Variants in ANKIB1 observed in about 807,000 individuals in gnomAD.
ANKIB1 encodes the protein ankyrin repeat and IBR domain-containing protein 1.
A neutral mutation model predicts 122.1 loss-of-function variants in ANKIB1; 43 were observed. The observed-to-expected ratio is 0.35, with a 90% CI of 0.28 to 0.45. The LOEUF (loss-of-function observed/expected upper bound fraction) is 0.45, where lower values mean the gene tolerates loss of function less well. Ranked by LOEUF, ANKIB1 falls within the 20% of genes least tolerant of loss-of-function variation. The probability of loss-of-function intolerance (pLI) is 1.00; values close to 1 mark genes in which losing one functional copy is unlikely to be tolerated. For missense variants in ANKIB1, 992 were observed against 1,329.5 expected, an observed-to-expected ratio of 0.75 and a Z score of 3.95; for synonymous variants, 390 against 442.0, an observed-to-expected ratio of 0.88 and a Z score of 1.48.
At chr7:92,295,380 A>G (rs1211638192) in intron 2 of ANKIB1, among the ~76,000 whole-genome samples, 5 of 152,132 alleles carry the variant, frequency 3.3e-5, no homozygotes, top group African/African-American at 9.6e-5. Context: ...CTTTATTATG[A>G]TTTAGTCAAA....
At chr7:92,340,663 T>C (rs1458308577) in intron 5 of ANKIB1, among the ~76,000 whole-genome samples, 1 of 152,218 alleles carries the variant, frequency 6.6e-6, no homozygotes, top group East Asian at 1.9e-4. Context: ...TATACTGGAT[T>C]TTTAAATTTT....
chr7:92,344,149 T>G (rs1425625565), intron 6 of ANKIB1, among the ~76,000 whole-genome samples: 2 of 151,824 alleles, frequency 1.3e-5, no homozygotes, highest in Non-Finnish European at 2.9e-5. Context: ...AATGGCATAG[T>G]TTTAATACAT....
Position 92,307,613 on chromosome 7 carries a change from C to G in ANKIB1, c.443C>G (p.Pro148Arg). The G allele has an allele frequency of 6.2e-7, 1 of 1,612,510 alleles. No individual in the cohort carries two copies. The highest frequency in any genetic ancestry group is 8.5e-7 in the Non-Finnish European group (1 of 1,179,540). The change falls in exon 3 of 20, where the codon CCC becomes CGC. Residue 148 changes from proline (P) to arginine (R), a missense_variant. Physicochemically the swap from Pro to Arg is moderately radical, Grantham distance 103 (BLOSUM62 -2). Coordinates refer to ENST00000265742, the MANE Select transcript of ANKIB1 (RefSeq NM_019004.2). ...IDAVDNKKNT[P>R]LHYAAASGMK... ...GCTGTTGATAACAAAAAAAACACACCCTTGCACTATGCTGCTGCCTCAGGG... is the reference window on the plus strand; with the variant it reads ...GCTGTTGATAACAAAAAAAACACACGCTTGCACTATGCTGCTGCCTCAGGG...
intron 10 of ANKIB1, among the ~76,000 whole-genome samples, chr7:92,363,722 T>C (rs934358204): frequency 2.6e-5 from 4 of 152,346 alleles, no homozygotes; most frequent in African/African-American, 9.6e-5. Flanking sequence ...CATGATACTT[T>C]ACAGGCTTGT....
At chr7:92,279,879 CACACACACACAT>C (rs1451555541) in intron 1 of ANKIB1, among the ~76,000 whole-genome samples, 1 of 152,010 alleles carries the variant, frequency 6.6e-6, no homozygotes, top group Non-Finnish European at 1.5e-5. Flanking sequence ...CAAACAAGCA[CACACACACACAT>C]ACACACACAC....
intron 2 of ANKIB1, among the ~76,000 whole-genome samples, chr7:92,296,118 A>C (rs141051459): frequency 2.6e-5 from 4 of 151,902 alleles, no homozygotes; most frequent in African/African-American, 4.8e-5. Flanking sequence ...TTTTTTTGCT[A>C]TCTCCAAAAC....
rs1002862358 is a variant in ANKIB1, at chr7:92,380,520, G to A, written c.1618-5989G>A. Among the ~76,000 whole-genome samples, 24 of 152,174 alleles carry A rather than the reference G, an allele frequency of 1.6e-4. 1 individual carries two copies. The highest frequency in any genetic ancestry group is 2.4e-5 in the African/African-American group (1 of 41,432). ...ACCTCATACAGCCAGGTGCCCCTCTGAGACGAAGATTCCAGAGGAAGGACC... is the reference window on the plus strand; with the variant it reads ...ACCTCATACAGCCAGGTGCCCCTCTAAGACGAAGATTCCAGAGGAAGGACC... On this transcript the variant is annotated intron_variant, in intron 11 of 19. Transcript: ENST00000265742.
intron 1 of ANKIB1, among the ~76,000 whole-genome samples, chr7:92,252,815 C>T (rs1292431870): frequency 6.6e-6 from 1 of 151,776 alleles, no homozygotes; most frequent in Non-Finnish European, 1.5e-5. Flanking sequence ...GTTCCTGGTT[C>T]ATCTTGTGCT....
intron 9 of ANKIB1, among the ~76,000 whole-genome samples, chr7:92,359,863 T>C (rs1022204297): frequency 3.9e-5 from 6 of 152,198 alleles, no homozygotes; most frequent in Non-Finnish European, 7.3e-5. Context: ...GCTCCATTGA[T>C]TCTTCTGCCT....
chr7:92,371,446 T>A (rs1804253093), intron 10 of ANKIB1, 31 bp from the exon 11 acceptor site: 5 of 1,581,802 alleles, frequency 3.2e-6, no homozygotes, highest in Non-Finnish European at 4.3e-6. Flanking sequence ...CTAAATCATT[T>A]ATTTTTGTGA....
At chr7:92,270,218 A>G (rs1219305065) in intron 1 of ANKIB1, among the ~76,000 whole-genome samples, 1 of 152,040 alleles carries the variant, frequency 6.6e-6, no homozygotes, top group Admixed American at 6.6e-5. Flanking sequence ...GCATGCCACC[A>G]TGCCTGGCTA....
intron 3 of ANKIB1, among the ~76,000 whole-genome samples, chr7:92,314,804 C>T (rs1802759729): frequency 6.6e-6 from 1 of 152,036 alleles, no homozygotes; most frequent in Admixed American, 6.6e-5. Context: ...AGAGGGGACC[C>T]CAGACATTGG....
intron 9 of ANKIB1, among the ~76,000 whole-genome samples, chr7:92,360,440 G>A (rs903513268): frequency 3.3e-5 from 5 of 151,930 alleles, no homozygotes; most frequent in Non-Finnish European, 5.9e-5. Context: ...TTGTGTGAAC[G>A]TGTGTGTGTG....
At chr7:92,323,883 A>G (rs1802967793) in intron 4 of ANKIB1, among the ~76,000 whole-genome samples, 1 of 152,228 alleles carries the variant, frequency 6.6e-6, no homozygotes, top group Non-Finnish European at 1.5e-5. Context: ...TTTATATGAA[A>G]GATCCAAAAC....
rs535940367 is a variant in ANKIB1, at chr7:92,320,524, AC to A, written c.669+1014del. On this transcript the variant is annotated intron_variant, in intron 4 of 19. Transcript: ENST00000265742. ...TGTCTTCCCGGTCTCAATAAATATT[AC>A]CTCTGTCCACTGAGTTGCTCAAGCA... is the stretch of plus-strand genomic sequence containing the variant. Among the ~76,000 whole-genome samples, 5 of 152,186 alleles carry A rather than the reference AC, an allele frequency of 3.3e-5. No individual in the cohort carries two copies. The South Asian group carries it at 1.0e-3, about 32-fold the overall frequency.
chr7:92,380,902 T>A (rs939974152), intron 11 of ANKIB1, among the ~76,000 whole-genome samples: 1 of 152,212 alleles, frequency 6.6e-6, no homozygotes, highest in Non-Finnish European at 1.5e-5. Flanking sequence ...GGATGGAGAA[T>A]GACTTTGACA....
intron 7 of ANKIB1, among the ~76,000 whole-genome samples, chr7:92,346,270 A>G (rs146196723): frequency 4.1e-4 from 63 of 152,192 alleles, no homozygotes; most frequent in East Asian, 2.1e-3. Context: ...AGCTGGGACT[A>G]TAGGCACACA....
chr7:92,251,822 T>C (rs948693759), intron 1 of ANKIB1, among the ~76,000 whole-genome samples: 3 of 152,158 alleles, frequency 2.0e-5, no homozygotes, highest in African/African-American at 7.2e-5. Flanking sequence ...TGCTATCTAG[T>C]CCAAAGAATC....
At chr7:92,382,396 ACAT>A (rs1330326311) in intron 11 of ANKIB1, among the ~76,000 whole-genome samples, 1 of 152,226 alleles carries the variant, frequency 6.6e-6, no homozygotes, top group Non-Finnish European at 1.5e-5. Flanking sequence ...GACCTAATAG[ACAT>A]CTACAGAACT....
Sources: allele counts gnomAD v4.1 joint callset (sites outside exome capture counted in the v4.1 genomes callset), GRCh38; gene constraint gnomAD v4.1.1; transcripts MANE v1.5; gene names NCBI Gene and HGNC (gene_info 2026-07-23, HGNC 2026-07-21).